The following NOC3L variants were observed in gnomAD, a reference collection of about 807,000 sequenced individuals.
NOC3L encodes nucleolar complex protein 3 homolog.
A neutral mutation model predicts 102.5 loss-of-function variants in NOC3L; 85 were observed. The observed-to-expected ratio is 0.83, with a 90% confidence interval of 0.70 to 0.99. The LOEUF is 0.99. Ranked by LOEUF, NOC3L falls within the 50% of genes least tolerant of loss-of-function variation. The pLI is 0.00. For synonymous variants in NOC3L, 303 were observed against 309.4 expected (o/e 0.98, Z 0.22); for missense variants, 878 against 914.9 (o/e 0.96, Z 0.52).
chr10:94,344,539 G>T, intron 12 of NOC3L, 24 bp from the exon 13 acceptor site: 2 of 1,530,242 alleles, frequency 1.3e-6, no homozygotes, highest in South Asian at 1.1e-5. Context: ...CAGACAAAAT[G>T]ACTTTAGGAT....
At chr10:94,350,092 T>G (rs770227198) in intron 9 of NOC3L, 21 bp downstream of exon 9, 2 of 1,612,152 alleles carry the variant, frequency 1.2e-6, no homozygotes, top group African/African-American at 2.7e-5. Flanking sequence ...AGGACAGCAA[T>G]AACCATTTAC....
chr10:94,334,699 CA>C lies in NOC3L; in HGVS notation c.2208del (p.Phe736LeufsTer9). ...ELSRRSATEL[F>X]EAYSMAEMTF... is the part of the protein sequence containing the mutation. ...GTCATTTCTGCCATGCTATATGCCT[CA>C]AAAAGTTCAGTAGCAGATCTAAATC... On this transcript the variant is annotated frameshift_variant, in exon 20 of 21. Transcript: ENST00000371361. LOFTEE classifies it high-confidence loss of function. 1 of 1,612,408 alleles carries C rather than the reference CA, an allele frequency of 6.2e-7. No homozygotes were observed. The highest frequency in any genetic ancestry group is 8.5e-7 in the Non-Finnish European group (1 of 1,179,326).
At chr10:94,345,900 T>C (rs542012944) in intron 11 of NOC3L, among the ~76,000 whole-genome samples, 43 of 152,308 alleles carry the variant, frequency 2.8e-4, no homozygotes, top group African/African-American at 8.9e-4. Flanking sequence ...AAGTGTTTTA[T>C]ATGCATCATC....
intron 3 of NOC3L, 35 bp downstream of exon 3, chr10:94,358,047 TG>T: frequency 1.4e-6 from 2 of 1,383,744 alleles, no homozygotes; most frequent in South Asian, 1.2e-5. Context: ...TAACACTAAA[TG>T]GATATGAATG....
At chr10:94,322,671 G>A in the NOC3L span, among the ~76,000 whole-genome samples, 1 of 152,094 alleles carries the variant, frequency 6.6e-6, no homozygotes, top group Non-Finnish European at 1.5e-5. Flanking sequence ...TGTAATCCCA[G>A]CTACTTGGGA....
At chr10:94,321,843 T>G in the NOC3L span, 2 of 1,357,582 alleles carry the variant, frequency 1.5e-6, no homozygotes, top group Non-Finnish European at 2.1e-6. Flanking sequence ...GCTAGATTTG[T>G]CTTTCTTTAT....
At chr10:94,335,409 G>T (rs2054207183) in intron 19 of NOC3L, among the ~76,000 whole-genome samples, 1 of 152,096 alleles carries the variant, frequency 6.6e-6, no homozygotes, top group Non-Finnish European at 1.5e-5. Flanking sequence ...TCATTATGAA[G>T]AGTGACAAAG....
Position 94,358,027 on chromosome 10 carries a change from AC to A in NOC3L, c.350+55del. ...TTGAACCACCTAAGTGAAATTCAGA[AC>A]CAAGTTTTTAACACTAAATGGATAT... On this transcript the variant is annotated intron_variant, in intron 3 of 20. Transcript: ENST00000371361. The A allele has an allele frequency of 2.6e-6, 3 of 1,168,400 alleles. No individual in the cohort carries two copies. In the Admixed American group the frequency reaches 5.5e-5, roughly 21 times the overall value. The allele number at this position is 1,168,400 out of a possible 1,614,324, so 72.4% of individuals were successfully genotyped here.
Position 94,333,529 on chromosome 10 carries a change from A to C in NOC3L, c.*648T>G, listed in dbSNP as rs1012777044. The C allele has an allele frequency of 6.6e-6, 1 of 152,148 alleles. No individual in the cohort carries two copies. Among genetic ancestry groups the C allele is most frequent in the Non-Finnish European group, 1.5e-5 (1 of 68,018 alleles). The allele number at this position is 152,148 out of a possible 1,614,324, so 9.4% of individuals were successfully genotyped here. A position where few individuals can be genotyped will look rare whatever the true frequency, so the allele number is the denominator to read the frequency against. The stretch of plus-strand genomic sequence containing the variant: ...CCAGGGAATGTCAGAAAACGTGAAG[A>C]ACTTTAGAGACTAGAATCATATTCA... On this transcript the variant is annotated 3_prime_UTR_variant, in exon 21 of 21. Coordinates refer to ENST00000371361, the MANE Select transcript of NOC3L (RefSeq NM_022451.11).
At chr10:94,325,950 T>TAACA in the NOC3L span, among the ~76,000 whole-genome samples, 1 of 152,150 alleles carries the variant, frequency 6.6e-6, no homozygotes, top group Non-Finnish European at 1.5e-5. Flanking sequence ...CAAAATAACA[T>TAACA]AACAGCCTCA....
Position 94,349,357 on chromosome 10 carries a change from C to T in NOC3L, c.1150G>A (p.Ala384Thr). The T allele has an allele frequency of 1.3e-6, 2 of 1,578,892 alleles. No homozygotes were observed. The highest frequency in any genetic ancestry group is 1.7e-6 in the Non-Finnish European group (2 of 1,170,766). Residue 384 changes from alanine (A) to threonine (T), a missense_variant, in exon 10 of 21, where the codon GCT (alanine) becomes ACT (threonine). Physicochemically the swap from Ala to Thr is moderately conservative, Grantham distance 58. Coordinates refer to ENST00000371361, the MANE Select transcript of NOC3L (RefSeq NM_022451.11). Reference protein sequence around the residue: ...SKLISEMCCEAVKKLFKQDKL... With the variant: ...SKLISEMCCETVKKLFKQDKL... Reference sequence around the variant, plus strand: ...TCTTGCTTAAAGAGTTTCTTCACAGCTTCACAACACATTTCAGATATCTGA... The same window carrying T: ...TCTTGCTTAAAGAGTTTCTTCACAGTTTCACAACACATTTCAGATATCTGA...
the NOC3L span, chr10:94,316,822 C>T: frequency 8.5e-7 from 1 of 1,172,134 alleles, no homozygotes; most frequent in South Asian, 1.2e-5. Context: ...TTACCACTCA[C>T]AACCTCCCTG....
intron 2 of NOC3L, among the ~76,000 whole-genome samples, chr10:94,360,306 C>A (rs770455704): frequency 5.3e-5 from 8 of 151,726 alleles, no homozygotes; most frequent in Non-Finnish European, 8.8e-5. Context: ...CAGAGAGAGA[C>A]TCCATCTCAA....
chr10:94,340,545 T>C (rs758283620), intron 14 of NOC3L, 49 bp from the exon 15 acceptor site: 7 of 1,430,576 alleles, frequency 4.9e-6, no homozygotes, highest in East Asian at 4.6e-5. Flanking sequence ...TTAAGAATGG[T>C]AATTGCCATT....
the NOC3L span, chr10:94,325,609 A>AG: frequency 6.7e-6 from 1 of 150,024 alleles, no homozygotes; most frequent in African/African-American, 2.5e-5. Context: ...AAAAAAAAAA[A>AG]GAAAAAAAAA....
Position 94,339,770 on chromosome 10 carries a change from C to G in NOC3L, c.1931G>C (p.Gly644Ala), listed in dbSNP as rs777965990. The change falls in exon 17 of 21, where the codon GGC (glycine) becomes GCC (alanine). Residue 644 changes from glycine (G) to alanine (A), a missense_variant. Gly to Ala is a moderately conservative substitution (Grantham distance 60). Coordinates refer to ENST00000371361, the MANE Select transcript of NOC3L (RefSeq NM_022451.11). ...TAATATTCTGGTAGTTGCTAAAATG[C>G]CAATACTTGAATTTGGAAGAACATG... ...ALHVLPNSSI[G>A]ILATTRILMH... is the part of the protein sequence containing the mutation. The G allele has an allele frequency of 1.2e-6, 2 of 1,613,740 alleles. No individual in the cohort carries two copies. The highest frequency in any genetic ancestry group is 8.5e-7 in the Non-Finnish European group (1 of 1,179,890).
intron 13 of NOC3L, among the ~76,000 whole-genome samples, chr10:94,343,075 C>G (rs549249619): frequency 6.9e-6 from 1 of 144,062 alleles, no homozygotes; most frequent in Admixed American, 7.0e-5. Context: ...CAGAGCAAGA[C>G]AGTGTCTCCA....
chr10:94,349,378 T>C lies in NOC3L; in HGVS notation c.1129A>G (p.Ile377Val), dbSNP rs1412802760. The change falls in exon 10 of 21, where the codon ATA becomes GTA. Residue 377 changes from isoleucine to valine, a missense_variant and splice_region_variant. Coordinates refer to ENST00000371361, the MANE Select transcript of NOC3L (RefSeq NM_022451.11). The part of the protein sequence containing the change: ...VPLMNDMSKL[I>V]SEMCCEAVKK... ...ACAGCTTCACAACACATTTCAGATA[T>C]CTGAAAAATAAAATGTCATACTTAA... 3.2e-6 allele frequency: 5 copies of C among 1,572,460 alleles called. No individual in the cohort carries two copies. The highest frequency in any genetic ancestry group is 1.7e-4 in the Middle Eastern group (1 of 5,898).
intron 14 of NOC3L, among the ~76,000 whole-genome samples, chr10:94,340,937 C>G (rs981244096): frequency 1.3e-5 from 2 of 149,638 alleles, no homozygotes; most frequent in Non-Finnish European, 3.0e-5. Flanking sequence ...GCCGAGATCA[C>G]GCCACTGCAC....
Sources: gnomAD v4.1 joint callset for allele counts (sites outside exome capture counted in the v4.1 genomes callset) on GRCh38, gnomAD v4.1.1 for gene constraint, MANE v1.5 for transcripts, NCBI Gene and HGNC (gene_info 2026-07-23, HGNC 2026-07-21) for gene names.